The following PDZD9 variants were observed in gnomAD, a reference collection of about 807,000 sequenced individuals.
The protein encoded by PDZD9 is PDZ domain-containing protein 9.
PDZD9 carries 13 observed loss-of-function variants against 16.3 expected under a neutral mutation model. The ratio of observed to expected loss-of-function variants is 0.80; its 90% CI spans 0.52 to 1.27. The LOEUF is 1.27. Among genes scored for constraint, PDZD9 ranks in the 50% most tolerant of loss-of-function variants. PDZD9 has a pLI of 0.00. For missense variants in PDZD9, 288 were observed against 310.9 expected, an observed-to-expected ratio of 0.93 and a Z score of 0.55; for synonymous variants, 120 against 111.0, an observed-to-expected ratio of 1.08 and a Z score of -0.51.
At chr16:22,000,242 T>C (rs1173666896) in intron 1 of PDZD9, among the ~76,000 whole-genome samples, 2 of 152,032 alleles carry the variant, frequency 1.3e-5, no homozygotes, top group East Asian at 3.9e-4. Flanking sequence ...TATTTTAAGA[T>C]TTATGTGCCC....
the PDZD9 span, among the ~76,000 whole-genome samples, chr16:21,960,824 C>CT: frequency 4.0e-5 from 6 of 151,214 alleles, no homozygotes; most frequent in African/African-American, 7.3e-5. Context: ...AACAGCATTT[C>CT]TTTTTTTTTA....
At chr16:21,988,573 A>G in intron 3 of PDZD9, 29 bp downstream of exon 3, 1 of 1,554,776 alleles carries the variant, frequency 6.4e-7, no homozygotes, top group Non-Finnish European at 8.8e-7. Context: ...CTGTATTATA[A>G]CAAAGAGTTC....
chr16:21,976,910 T>C, the PDZD9 span: 10 of 152,376 alleles, frequency 6.6e-5, no homozygotes, highest in Admixed American at 5.2e-4. Flanking sequence ...AAAATACACT[T>C]GTGCATTTTC....
At chr16:21,962,444 T>G in the PDZD9 span, 1 of 1,614,078 alleles carries the variant, frequency 6.2e-7, no homozygotes, top group Non-Finnish European at 8.5e-7. Flanking sequence ...TTACTCTAGT[T>G]TATTTTCCGA....
chr16:21,962,248 A>G, the PDZD9 span: 1 of 571,246 alleles, frequency 1.8e-6, no homozygotes, highest in Non-Finnish European at 3.1e-6. Context: ...ACATGTGACC[A>G]GATTTCACTC....
Position 22,001,064 on chromosome 16 carries a change from G to A in PDZD9, c.-17C>T. The A allele has an allele frequency of 2.0e-6, 3 of 1,520,874 alleles. No individual in the cohort carries two copies. The highest frequency in any genetic ancestry group is 2.6e-6 in the Non-Finnish European group (3 of 1,140,316). 94.2% of individuals were successfully genotyped at this position (1,520,874 alleles called of 1,614,324 possible). ...CTTCTGCATGGTCCCGGGAGGTCAG[G>A]CAGCCCGGGAGGGCCTCCCGGAGCA... On this transcript the variant is annotated 5_prime_UTR_variant, in exon 1 of 4. Transcript: ENST00000424898.
At chr16:21,982,385 A>G (rs968158258), downstream of PDZD9, among the ~76,000 whole-genome samples, 4 of 152,146 alleles carry the variant, frequency 2.6e-5, no homozygotes, top group African/African-American at 7.2e-5. Context: ...TTAACAATCA[A>G]TGTATTTTTA....
Position 21,994,246 on chromosome 16 carries a change from C to T in PDZD9, c.211+2076G>A, listed in dbSNP as rs373481876. Among the ~76,000 whole-genome samples, 9 of 152,322 alleles carry T rather than the reference C, an allele frequency of 5.9e-5. No individual in the cohort carries two copies. In the East Asian group the frequency reaches 1.2e-3, roughly 20 times the overall value. ...AAATCTGCGCAACCTCTGACAAACA[C>T]AGGAATATCCCAATTCAAAGATGAG... On this transcript the variant is annotated intron_variant, in intron 2 of 3. Transcript: ENST00000424898.
chr16:21,958,613 G>C, the PDZD9 span: 1 of 1,605,864 alleles, frequency 6.2e-7, no homozygotes. Context: ...TGTTAAATAA[G>C]TAATAGAAAA....
the PDZD9 span, among the ~76,000 whole-genome samples, chr16:21,965,901 C>A: frequency 1.3e-5 from 2 of 152,102 alleles, no homozygotes; most frequent in African/African-American, 4.8e-5. Flanking sequence ...CTAGGCTGGT[C>A]TTGAACTCTT....
the PDZD9 span, among the ~76,000 whole-genome samples, chr16:21,963,885 A>G: frequency 6.6e-6 from 1 of 152,078 alleles, no homozygotes; most frequent in African/African-American, 2.4e-5. Flanking sequence ...CTCTTTATTG[A>G]GTCTTTCCAA....
chr16:21,979,971 G>T (rs1322314232), downstream of PDZD9, among the ~76,000 whole-genome samples: 1 of 152,104 alleles, frequency 6.6e-6, no homozygotes, highest in Non-Finnish European at 1.5e-5. Context: ...TTACAAAATG[G>T]GCTTATGTTA....
At chr16:21,971,828 C>G in the PDZD9 span, 1 of 1,547,444 alleles carries the variant, frequency 6.5e-7, no homozygotes, top group African/African-American at 1.4e-5. Flanking sequence ...AGAAAAGACT[C>G]GTGGGTTAAT....
At chr16:21,982,919 G>T (rs536665943), downstream of PDZD9, among the ~76,000 whole-genome samples, 1 of 142,286 alleles carries the variant, frequency 7.0e-6, no homozygotes, top group Admixed American at 7.3e-5. Flanking sequence ...AGCCAAGATC[G>T]CAGCACTGCA....
intron 3 of PDZD9, 92 bp from the exon 4 acceptor site, chr16:21,984,752 A>G (rs1898834173): frequency 5.1e-6 from 5 of 980,436 alleles, no homozygotes; most frequent in Non-Finnish European, 6.9e-6. Flanking sequence ...GCTTTGACTC[A>G]TAAAAGATAC....
the PDZD9 span, chr16:21,965,288 C>G: frequency 1.2e-6 from 1 of 813,142 alleles, no homozygotes. Context: ...TTTAAGTCCT[C>G]TTAACATATG....
the PDZD9 span, among the ~76,000 whole-genome samples, chr16:21,970,547 A>G: frequency 1.6e-4 from 24 of 152,260 alleles, no homozygotes; most frequent in African/African-American, 5.8e-4. Flanking sequence ...GACATTGAAC[A>G]TATTTTCATG....
At chr16:21,979,738 A>G (rs1174949589), downstream of PDZD9, among the ~76,000 whole-genome samples, 1 of 152,180 alleles carries the variant, frequency 6.6e-6, no homozygotes, top group African/African-American at 2.4e-5. Flanking sequence ...AACACTGTAA[A>G]CATAGGCTAC....
the PDZD9 span, among the ~76,000 whole-genome samples, chr16:21,965,713 A>T: frequency 6.6e-6 from 1 of 152,238 alleles, no homozygotes; most frequent in South Asian, 2.1e-4. Flanking sequence ...GACTAAAGGG[A>T]CATGATCATT....
Sources: gnomAD v4.1 joint callset for allele counts (sites outside exome capture counted in the v4.1 genomes callset) on GRCh38, gnomAD v4.1.1 for gene constraint, MANE v1.5 for transcripts, NCBI Gene and HGNC (gene_info 2026-07-23, HGNC 2026-07-21) for gene names.